Variants in ARNT observed in about 807,000 individuals in gnomAD.
The protein encoded by ARNT is aryl hydrocarbon receptor nuclear translocator.
Under a neutral mutation model 105.0 loss-of-function variants are expected in ARNT, and 30 were observed. The ratio of observed to expected loss-of-function variants is 0.29; its 90% confidence interval spans 0.21 to 0.39. The LOEUF (loss-of-function observed/expected upper bound fraction) is 0.39, where lower values mean the gene tolerates loss of function less well. ARNT is among the 10% of genes least tolerant of loss of function. The pLI is 1.00. For missense variants in ARNT, 748 were observed against 978.7 expected (o/e 0.76, Z 3.15); for synonymous variants, 304 against 344.0 (o/e 0.88, Z 1.29).
intron 19 of ARNT, 130 bp from the exon 20 acceptor site, chr1:150,814,369 G>T: frequency 2.3e-6 from 2 of 881,850 alleles, no homozygotes; most frequent in Non-Finnish European, 3.4e-6. Context: ...ATTTCCTATT[G>T]TATATTTCTT....
intron 2 of ARNT, among the ~76,000 whole-genome samples, chr1:150,854,148 T>G (rs988127925): frequency 6.6e-6 from 1 of 152,202 alleles, no homozygotes; most frequent in African/African-American, 2.4e-5. Flanking sequence ...TACAGTGGCA[T>G]GATCATAGCT....
chr1:150,821,793 C>T (rs931224579), intron 14 of ARNT, among the ~76,000 whole-genome samples: 15 of 149,894 alleles, frequency 1.0e-4, no homozygotes, highest in African/African-American at 3.5e-4. Flanking sequence ...GGACTATAGG[C>T]GTGTGCCACC....
rs1412651953 is a variant in ARNT at position 150,855,823 on chromosome 1, T to C, written c.137+2526A>G. Among the ~76,000 whole-genome samples, 4 of 151,538 alleles carry C rather than the reference T, an allele frequency of 2.6e-5. No homozygotes were observed. The East Asian group carries it at 7.8e-4, about 30-fold the overall frequency. On this transcript the variant is annotated intron_variant, in intron 2 of 21. Transcript: ENST00000358595. ...GAACTGAAGTAGGAGGATTGCTTCC[T>C]GGGCCCAAGAAGTTGAGGCTACAAT...
chr1:150,815,490 A>G (rs1341591748), intron 19 of ARNT, among the ~76,000 whole-genome samples: 1 of 151,084 alleles, frequency 6.6e-6, no homozygotes, highest in Non-Finnish European at 1.5e-5. Context: ...CGGAGCTTGC[A>G]GTGAGCCGAG....
At chr1:150,816,223 A>T (rs377187565) in intron 19 of ARNT, 36 bp downstream of exon 19, 1 of 1,565,458 alleles carries the variant, frequency 6.4e-7, no homozygotes, top group African/African-American at 1.4e-5. Flanking sequence ...CAAACAAAAA[A>T]TAATACACAG....
At chr1:150,862,983 G>A (rs994840417) in intron 1 of ARNT, among the ~76,000 whole-genome samples, 14 of 151,022 alleles carry the variant, frequency 9.3e-5, no homozygotes, top group Admixed American at 6.0e-4. Flanking sequence ...CACAAAAGGC[G>A]GAGGTTGCAA....
chr1:150,873,448 G>C (rs1456728890), intron 1 of ARNT, among the ~76,000 whole-genome samples: 1 of 151,680 alleles, frequency 6.6e-6, no homozygotes, highest in Non-Finnish European at 1.5e-5. Context: ...TTATCAATTC[G>C]AGAAAAAAAA....
intron 8 of ARNT, among the ~76,000 whole-genome samples, chr1:150,833,018 T>C (rs986991855): frequency 1.3e-5 from 2 of 152,230 alleles, no homozygotes; most frequent in Non-Finnish European, 2.9e-5. Flanking sequence ...TCTTTACATA[T>C]ATTAATTCAT....
intron 3 of ARNT, among the ~76,000 whole-genome samples, chr1:150,851,957 A>T (rs1401719575): frequency 6.6e-6 from 1 of 152,080 alleles, no homozygotes; most frequent in Non-Finnish European, 1.5e-5. Context: ...CTGAGGCAGG[A>T]GAATCGCTAG....
chr1:150,872,144 A>T (rs1667557782), intron 1 of ARNT, among the ~76,000 whole-genome samples: 1 of 151,978 alleles, frequency 6.6e-6, no homozygotes, highest in Non-Finnish European at 1.5e-5. Flanking sequence ...TTTTTGTAGT[A>T]AAGGGGTTTC....
intron 9 of ARNT, among the ~76,000 whole-genome samples, 195 bp downstream of exon 9, chr1:150,832,139 T>C (rs1557883590): frequency 6.6e-6 from 1 of 152,018 alleles, no homozygotes; most frequent in Non-Finnish European, 1.5e-5. Flanking sequence ...TTAAACAGGA[T>C]TTTCAAGAGA....
chr1:150,852,326 A>C (rs1218748626), intron 3 of ARNT, among the ~76,000 whole-genome samples: 1 of 152,168 alleles, frequency 6.6e-6, no homozygotes, highest in South Asian at 2.1e-4. Context: ...CCATCACCAC[A>C]TGAAAAAATT....
chr1:150,819,519 C>A (rs1479158341), intron 14 of ARNT, among the ~76,000 whole-genome samples: 1 of 152,156 alleles, frequency 6.6e-6, no homozygotes, highest in Admixed American at 6.5e-5. Flanking sequence ...AACCAAATGT[C>A]CATTAACGAA....
chr1:150,824,182 G>GT (rs1657718206), intron 13 of ARNT, among the ~76,000 whole-genome samples: 1 of 151,084 alleles, frequency 6.6e-6, no homozygotes, highest in Non-Finnish European at 1.5e-5. Context: ...AAAAGTAATT[G>GT]CATTTTTTGC....
At chr1:150,849,241 A>G (rs988952328) in intron 3 of ARNT, among the ~76,000 whole-genome samples, 2 of 152,106 alleles carry the variant, frequency 1.3e-5, no homozygotes, top group African/African-American at 4.8e-5. Context: ...AAATGATATT[A>G]AATCTGGGCA....
rs587627934 is a variant in ARNT, at chr1:150,810,857, G to A, written c.*1164C>T. 4.5e-6 allele frequency: 1 copy of A among 223,626 alleles called. No homozygotes were observed. The allele number at this position is 223,626 out of a possible 1,614,324, so 13.9% of individuals were successfully genotyped here. A position where few individuals can be genotyped will look rare whatever the true frequency, so the allele number is the denominator to read the frequency against. The stretch of plus-strand genomic sequence containing the variant: ...GAGCAAAGAGGAAAAACCTCTTAGG[G>A]CCAGAGAGACTTAAATCTCAGTTGC... On this transcript the variant is annotated 3_prime_UTR_variant, in exon 22 of 22. Transcript: ENST00000358595.
Position 150,846,174 on chromosome 1 carries a change from G to C in ARNT, c.227+89C>G. 3 of 1,141,884 alleles carry C rather than the reference G, an allele frequency of 2.6e-6. 1 individual carries two copies. In the South Asian group the frequency reaches 4.4e-5, roughly 17 times the overall value. 70.7% of individuals were successfully genotyped at this position (1,141,884 alleles called of 1,614,324 possible). On this transcript the variant is annotated intron_variant, in intron 4 of 21. Transcript: ENST00000358595. ...AAACAGAGAAATTCCGTCTCATCCA[G>C]AAAAAATTAAGTCAATATGCTAGGA...
intron 4 of ARNT, among the ~76,000 whole-genome samples, chr1:150,843,450 C>A (rs1661622348): frequency 6.6e-6 from 1 of 152,106 alleles, no homozygotes; most frequent in East Asian, 1.9e-4. Flanking sequence ...ATGACAAATA[C>A]AATAACCTTA....
intron 6 of ARNT, among the ~76,000 whole-genome samples, chr1:150,836,788 T>A (rs1311813343): frequency 6.6e-6 from 1 of 152,234 alleles, no homozygotes; most frequent in African/African-American, 2.4e-5. Flanking sequence ...CCGCCGGTAA[T>A]CCCAGCACTT....
Sources: allele counts gnomAD v4.1 joint callset (sites outside exome capture counted in the v4.1 genomes callset), GRCh38; gene constraint gnomAD v4.1.1; transcripts MANE v1.5; gene names NCBI Gene and HGNC (gene_info 2026-07-23, HGNC 2026-07-21).